OASL: variants seen among roughly 807,000 people sequenced by gnomAD.
OASL encodes the protein 2'-5'-oligoadenylate synthetase like.
A neutral mutation model predicts 35.3 loss-of-function variants in OASL; 28 were observed. That is an observed-to-expected ratio of 0.79 (90% CI 0.59 to 1.09). The LOEUF is 1.09. Among genes scored for constraint, OASL ranks in the 50% least tolerant of loss-of-function variants. OASL has a pLI of 0.00. For missense variants in OASL, 620 were observed against 635.2 expected (o/e 0.98, Z 0.26); for synonymous variants, 252 against 254.6 (o/e 0.99, Z 0.10).
chr12:121,023,289 T>TTTTC (rs1555215044), intron 5 of OASL, among the ~76,000 whole-genome samples: 17 of 131,324 alleles, frequency 1.3e-4, no homozygotes, highest in Admixed American at 3.7e-4. Context: ...TTTTTTTTCT[T>TTTTC]TTTTTCTTTT....
chr12:121,028,507 T>G (rs987636999), intron 3 of OASL, among the ~76,000 whole-genome samples: 1 of 152,108 alleles, frequency 6.6e-6, no homozygotes. Flanking sequence ...GTGGCCATTT[T>G]GCCACCAAGA....
exon 1 of OASL, chr12:121,038,910 T>C: frequency 1.2e-6 from 2 of 1,614,194 alleles, no homozygotes; most frequent in Non-Finnish European, 1.7e-6. Context: ...CTGCAGCCAC[T>C]GAGCCACGAA....
intron 3 of OASL, among the ~76,000 whole-genome samples, chr12:121,029,305 T>C (rs1013155426): frequency 6.6e-6 from 1 of 152,016 alleles, no homozygotes; most frequent in Non-Finnish European, 1.5e-5. Flanking sequence ...ATCTCCCAAA[T>C]AAATGAAACC....
chr12:121,023,452 C>T (rs538472976), intron 5 of OASL, among the ~76,000 whole-genome samples: 2 of 151,038 alleles, frequency 1.3e-5, no homozygotes, highest in African/African-American at 2.4e-5. Context: ...CCACGCCCGC[C>T]TAATTTTGTA....
chr12:121,033,490 A>G, exon 2 of OASL: 4 of 1,613,282 alleles, frequency 2.5e-6, no homozygotes, highest in Non-Finnish European at 3.4e-6. Context: ...CACAATGGTG[A>G]CCGTGATGGG....
chr12:121,035,251 G>T (rs113017155), intron 1 of OASL, among the ~76,000 whole-genome samples: 6,256 of 152,058 alleles, frequency 0.041, 164 homozygotes, highest in South Asian at 0.085. Context: ...TCCCAGCCAG[G>T]CATGATGGCT....
At chr12:121,027,636 T>C (rs779515398) in exon 4 of OASL, 1 of 1,614,066 alleles carries the variant, frequency 6.2e-7, no homozygotes, top group Non-Finnish European at 8.5e-7. Context: ...GAGTGTGTAG[T>C]ACTTGGTCCA....
At chr12:121,027,754 T>C (rs1268033823) in exon 4 of OASL, 2 of 1,614,004 alleles carry the variant, frequency 1.2e-6, no homozygotes, top group Admixed American at 1.7e-5. Flanking sequence ...CAGGCATAGA[T>C]GGTTAGAAGT....
intron 4 of OASL, among the ~76,000 whole-genome samples, chr12:121,026,298 G>A (rs1190049310): frequency 6.6e-6 from 1 of 152,150 alleles, no homozygotes; most frequent in Admixed American, 6.6e-5. Context: ...CCTTACAAAA[G>A]AGACCCAATA....
At chr12:121,022,320 C>T (rs1056050244) in intron 5 of OASL, among the ~76,000 whole-genome samples, 10 of 152,064 alleles carry the variant, frequency 6.6e-5, no homozygotes, top group African/African-American at 2.4e-4. Flanking sequence ...CTCTTGACCT[C>T]GTGATCTGCC....
chr12:121,023,018 T>C (rs1869311435), intron 5 of OASL, among the ~76,000 whole-genome samples: 4 of 152,200 alleles, frequency 2.6e-5, no homozygotes, highest in Admixed American at 2.6e-4. Flanking sequence ...GAATTGCTTA[T>C]GAGGATCAAC....
chr12:121,032,355 G>A (rs1380339605), intron 2 of OASL, among the ~76,000 whole-genome samples: 2 of 152,144 alleles, frequency 1.3e-5, no homozygotes, highest in African/African-American at 4.8e-5. Flanking sequence ...ACAGCTGATA[G>A]GAGTTAGCAC....
At chr12:121,037,199 C>T (rs978462026) in intron 1 of OASL, among the ~76,000 whole-genome samples, 2 of 152,148 alleles carry the variant, frequency 1.3e-5, no homozygotes, top group African/African-American at 2.4e-5. Context: ...GCCACCAACT[C>T]GCTGTGTGAC....
intron 1 of OASL, among the ~76,000 whole-genome samples, chr12:121,037,381 A>T (rs1367145818): frequency 6.6e-6 from 1 of 151,832 alleles, no homozygotes; most frequent in Non-Finnish European, 1.5e-5. Flanking sequence ...TTGGGGGAAA[A>T]TCTCAGTGAG....
chr12:121,021,099 T>G, intron 5 of OASL, 41 bp from the exon 6 acceptor site: 1 of 1,508,784 alleles, frequency 6.6e-7, no homozygotes, highest in Non-Finnish European at 8.8e-7. Flanking sequence ...AAGTCCACAC[T>G]TCTTTGTCTG....
downstream of OASL, among the ~76,000 whole-genome samples, chr12:121,017,946 T>A (rs1020303593): frequency 1.3e-5 from 2 of 152,242 alleles, no homozygotes; most frequent in East Asian, 3.8e-4. Context: ...TTTAGCTTAT[T>A]GTGGAGACAC....
chr12:121,028,358 C>T (rs1318091772), intron 3 of OASL, among the ~76,000 whole-genome samples: 1 of 152,168 alleles, frequency 6.6e-6, no homozygotes, highest in Admixed American at 6.5e-5. Context: ...CAGCATAAAC[C>T]TTTCCCCCTT....
intron 3 of OASL, among the ~76,000 whole-genome samples, chr12:121,030,797 G>A (rs915659587): frequency 2.0e-5 from 3 of 151,962 alleles, no homozygotes; most frequent in Non-Finnish European, 4.4e-5. Flanking sequence ...CACAGTACCC[G>A]GCGAAGCTGA....
At chr12:121,018,013 A>T (rs563639790), downstream of OASL, among the ~76,000 whole-genome samples, 1 of 152,356 alleles carries the variant, frequency 6.6e-6, no homozygotes, top group South Asian at 2.1e-4. Context: ...TGCGGATTTT[A>T]GGAACTTCTT....
Sources: gnomAD v4.1 joint callset for allele counts (sites outside exome capture counted in the v4.1 genomes callset) on GRCh38, gnomAD v4.1.1 for gene constraint, MANE v1.5 for transcripts, NCBI Gene and HGNC (gene_info 2026-07-23, HGNC 2026-07-21) for gene names.